Variants in REDIC1 observed in about 807,000 individuals in gnomAD.
REDIC1 encodes regulator of DNA class I crossover intermediates 1, also known as HEI10 Interacting Protein 1.
At chr12:39,787,851 A>G in the REDIC1 span, among the ~76,000 whole-genome samples, 1 of 152,166 alleles carries the variant, frequency 6.6e-6, no homozygotes, top group Non-Finnish European at 1.5e-5. Context: ...GTTTACTGAT[A>G]ATTCACTTCT....
chr12:39,814,364 T>G, the REDIC1 span, among the ~76,000 whole-genome samples: 1 of 152,160 alleles, frequency 6.6e-6, no homozygotes, highest in South Asian at 2.1e-4. Flanking sequence ...GCCTAAACTT[T>G]TTCCAAATAG....
At chr12:39,778,656 A>G in the REDIC1 span, among the ~76,000 whole-genome samples, 1 of 152,224 alleles carries the variant, frequency 6.6e-6, no homozygotes, top group African/African-American at 2.4e-5. Flanking sequence ...AACCAGTAAA[A>G]TAGACTCTAT....
chr12:39,678,664 A>G, the REDIC1 span, among the ~76,000 whole-genome samples: 1 of 151,130 alleles, frequency 6.6e-6, no homozygotes, highest in African/African-American at 2.4e-5. Context: ...ACTATAGACC[A>G]ATATTCCTGA....
At chr12:39,720,970 A>G in the REDIC1 span, 1 of 1,613,796 alleles carries the variant, frequency 6.2e-7, no homozygotes, top group Non-Finnish European at 8.5e-7. Flanking sequence ...GTTCTCAGTG[A>G]AAAATAATAC....
At chr12:39,697,027 A>G in the REDIC1 span, among the ~76,000 whole-genome samples, 1 of 152,192 alleles carries the variant, frequency 6.6e-6, no homozygotes, top group African/African-American at 2.4e-5. Context: ...GTTATAGAAC[A>G]CCTAGCAGAT....
the REDIC1 span, chr12:39,683,200 A>G: frequency 3.5e-6 from 5 of 1,425,284 alleles, no homozygotes; most frequent in South Asian, 2.8e-5. Context: ...GTTTTAGTAT[A>G]TATATTTGTA....
the REDIC1 span, among the ~76,000 whole-genome samples, chr12:39,782,346 GC>G: frequency 6.6e-5 from 10 of 152,090 alleles, no homozygotes; most frequent in African/African-American, 2.4e-4. Flanking sequence ...CATGGGGGCG[GC>G]CGGTCTTTTC....
At chr12:39,683,599 A>G in the REDIC1 span, 1 of 759,038 alleles carries the variant, frequency 1.3e-6, no homozygotes, top group African/African-American at 1.8e-5. Flanking sequence ...TGGGCAGGCA[A>G]CCTGGTCTCA....
At chr12:39,655,849 C>G in the REDIC1 span, among the ~76,000 whole-genome samples, 5 of 152,122 alleles carry the variant, frequency 3.3e-5, no homozygotes, top group East Asian at 3.9e-4. Context: ...TATCGTGTGC[C>G]TTTGGTTACT....
At chr12:39,760,313 A>C in the REDIC1 span, 1 of 1,473,376 alleles carries the variant, frequency 6.8e-7, no homozygotes, top group African/African-American at 1.4e-5. Context: ...TAAGTTGGAA[A>C]GATTACTTGA....
chr12:39,774,071 T>C, the REDIC1 span, among the ~76,000 whole-genome samples: 1 of 152,200 alleles, frequency 6.6e-6, no homozygotes. Flanking sequence ...CTAATAGTTC[T>C]TTGTTGATAG....
the REDIC1 span, among the ~76,000 whole-genome samples, chr12:39,637,974 T>C: frequency 1.3e-5 from 2 of 152,020 alleles, no homozygotes; most frequent in Non-Finnish European, 2.9e-5. Flanking sequence ...TAGTAGACAT[T>C]TGTGTTCTTT....
chr12:39,643,670 A>T, the REDIC1 span: 1 of 800,936 alleles, frequency 1.2e-6, no homozygotes, highest in South Asian at 2.0e-5. Context: ...GTCACAAAAT[A>T]TAAAAGTATC....
At chr12:39,851,678 A>G in the REDIC1 span, among the ~76,000 whole-genome samples, 2 of 152,202 alleles carry the variant, frequency 1.3e-5, no homozygotes, top group Non-Finnish European at 2.9e-5. Context: ...TGCTAGATAC[A>G]TCAAGAGAAA....
the REDIC1 span, among the ~76,000 whole-genome samples, chr12:39,835,187 A>T: frequency 6.6e-6 from 1 of 152,062 alleles, no homozygotes; most frequent in Admixed American, 6.6e-5. Flanking sequence ...CCCCTTCCAC[A>T]GTGTGACCTG....
At chr12:39,645,785 A>G in the REDIC1 span, among the ~76,000 whole-genome samples, 1 of 152,084 alleles carries the variant, frequency 6.6e-6, no homozygotes, top group Admixed American at 6.6e-5. Flanking sequence ...TTTTGTTTTT[A>G]AAGACAGGGT....
At chr12:39,701,022 C>A in the REDIC1 span, among the ~76,000 whole-genome samples, 1 of 151,990 alleles carries the variant, frequency 6.6e-6, no homozygotes, top group Non-Finnish European at 1.5e-5. Flanking sequence ...GAAGAAACTG[C>A]ATCAACTAAC....
the REDIC1 span, among the ~76,000 whole-genome samples, chr12:39,686,521 G>T: frequency 3.3e-5 from 5 of 152,174 alleles, no homozygotes; most frequent in African/African-American, 1.2e-4. Context: ...GCACAGAGCA[G>T]CAGGGCCCTG....
the REDIC1 span, among the ~76,000 whole-genome samples, chr12:39,786,236 G>T: frequency 0.011 from 1,648 of 152,210 alleles, 15 homozygotes; most frequent in Non-Finnish European, 0.016. Context: ...GAATCATGGG[G>T]GCTGGTCTTT....
Sources: gnomAD v4.1 joint callset for allele counts (sites outside exome capture counted in the v4.1 genomes callset) on GRCh38, gnomAD v4.1.1 for gene constraint, MANE v1.5 for transcripts, NCBI Gene and HGNC (gene_info 2026-07-23, HGNC 2026-07-21) for gene names.